The following GALNT18 variants were observed in gnomAD, a reference collection of about 807,000 sequenced individuals.
GALNT18 encodes GalNAc-transferase 18.
In GALNT18, 44 loss-of-function variants were observed where a neutral mutation model predicts 69.5. The ratio of observed to expected loss-of-function variants is 0.63; its 90% CI spans 0.50 to 0.81. GALNT18 has a LOEUF of 0.81. Among genes scored for constraint, GALNT18 ranks in the 40% least tolerant of loss-of-function variants. The pLI is 0.00. For synonymous variants in GALNT18, 364 were observed against 318.2 expected (o/e 1.14, Z -1.53); for missense variants, 715 against 810.0 (o/e 0.88, Z 1.42).
At chr11:11,533,489 C>T (rs896349545) in intron 1 of GALNT18, among the ~76,000 whole-genome samples, 3 of 152,178 alleles carry the variant, frequency 2.0e-5, no homozygotes, top group African/African-American at 7.2e-5. Flanking sequence ...AAGGAGCCAC[C>T]AGGAGTGAGG....
chr11:11,300,028 G>A (rs961796211), intron 9 of GALNT18, among the ~76,000 whole-genome samples: 16 of 152,244 alleles, frequency 1.1e-4, no homozygotes, highest in African/African-American at 3.9e-4. Context: ...TGGGCAGAGG[G>A]AGAGTCAAGG....
rs4910347 is a variant in GALNT18 at position 11,454,403 on chromosome 11, A to C, written c.236-5467T>G. Among the ~76,000 whole-genome samples the C allele has an allele frequency of 6.6e-6, 1 of 151,960 alleles. No individual in the cohort carries two copies. The highest frequency in any genetic ancestry group is 1.5e-5 in the Non-Finnish European group (1 of 68,002). Reference sequence around the variant, plus strand: ...AGAGAATTACCAGGCTTCTCTCCCAAGTATCCAGAATAGGACTGTGCATGG... The same window carrying C: ...AGAGAATTACCAGGCTTCTCTCCCACGTATCCAGAATAGGACTGTGCATGG... On this transcript the variant is annotated intron_variant, in intron 1 of 10. Transcript: ENST00000227756. The surrounding 1 kb of genome is among the most constrained non-coding windows in gnomAD (Gnocchi z 4.2).
chr11:11,608,860 A>T (rs1343000295), intron 1 of GALNT18, among the ~76,000 whole-genome samples: 5 of 152,134 alleles, frequency 3.3e-5, no homozygotes, highest in Non-Finnish European at 7.4e-5. Flanking sequence ...TGCCCTCTCC[A>T]AATCTTTCTT....
chr11:11,359,723 T>C (rs948595856), intron 6 of GALNT18, among the ~76,000 whole-genome samples: 1 of 151,984 alleles, frequency 6.6e-6, no homozygotes, highest in South Asian at 2.1e-4. Flanking sequence ...TCCAAAGCAA[T>C]GCTGGCTGGA....
At chr11:11,330,288 T>C (rs892009552) in intron 8 of GALNT18, among the ~76,000 whole-genome samples, 2 of 152,166 alleles carry the variant, frequency 1.3e-5, no homozygotes, top group African/African-American at 2.4e-5. Context: ...AAAAAGAAAT[T>C]ATGCCCCTGA....
chr11:11,416,362 G>T (rs945380112), intron 3 of GALNT18, among the ~76,000 whole-genome samples: 1 of 152,150 alleles, frequency 6.6e-6, no homozygotes, highest in African/African-American at 2.4e-5. Context: ...TCATCAGCAG[G>T]ATCCTTCAGT....
chr11:11,282,845 C>T (rs1049442608), intron 10 of GALNT18, among the ~76,000 whole-genome samples: 3 of 152,070 alleles, frequency 2.0e-5, no homozygotes, highest in Admixed American at 6.5e-5. Context: ...TTGTAGAGAC[C>T]ATATTCTAGT....
intron 2 of GALNT18, among the ~76,000 whole-genome samples, chr11:11,438,839 AC>A (rs1855469421): frequency 6.6e-6 from 1 of 152,114 alleles, no homozygotes; most frequent in Non-Finnish European, 1.5e-5. Context: ...AATACGATCA[AC>A]ACTACTGAGT....
In GALNT18 at chr11:11,271,296, G is replaced by C; in HGVS notation, c.1678-6C>G. 1.2e-6 allele frequency: 2 copies of C among 1,612,450 alleles called. No individual in the cohort carries two copies. Among genetic ancestry groups the C allele is most frequent in the Admixed American group, 1.7e-5 (1 of 59,990 alleles). ...CGGTTCTGGATGGGTCCTCCCTAGG[G>C]GCCAGGGCAGACAGTGGGGTCAGAG... On this transcript the variant is annotated splice_polypyrimidine_tract_variant and splice_region_variant and intron_variant, in intron 10 of 10. Transcript: ENST00000227756.
In GALNT18 at chr11:11,596,229, A is replaced by C. The variant is rs1859497581; in HGVS notation, c.235+25130T>G. Among the ~76,000 whole-genome samples the C allele has an allele frequency of 6.6e-6, 1 of 152,210 alleles. No individual in the cohort carries two copies. Among genetic ancestry groups the C allele is most frequent in the African/African-American group, 2.4e-5 (1 of 41,468 alleles). On this transcript the variant is annotated intron_variant, in intron 1 of 10. Transcript: ENST00000227756. The surrounding 1 kb of genome is among the most constrained non-coding windows in gnomAD (Gnocchi z 4.2). ...CACTTAATTCTGGACTGTCAATTCT[A>C]TTCTGTTGATCAGTGTGTCTGTCCT...
intron 3 of GALNT18, among the ~76,000 whole-genome samples, chr11:11,410,727 G>A (rs76504964): frequency 0.019 from 2,820 of 152,254 alleles, 43 homozygotes; most frequent in Non-Finnish European, 0.03. Context: ...TTGAACGATG[G>A]CTGTCTAATT....
rs1476025049 is a variant in GALNT18, at chr11:11,614,087, A to C, written c.235+7272T>G. ...AAGCTTGGCTTTCTGCCACAAACCA[A>C]AGGAGACCCTCAAGACCCAAATCAA... On this transcript the variant is annotated intron_variant, in intron 1 of 10. Coordinates refer to ENST00000227756, the MANE Select transcript of GALNT18 (RefSeq NM_198516.3). This position sits in a 1 kb window ranked among gnomAD's most constrained non-coding sequence, Gnocchi z 5.6. 6.6e-6 allele frequency among the ~76,000 whole-genome samples: 1 copy of C among 152,014 alleles called. No homozygotes were observed. The highest frequency in any genetic ancestry group is 1.5e-5 in the Non-Finnish European group (1 of 67,984).
chr11:11,313,115 G>T (rs966047014), intron 9 of GALNT18, among the ~76,000 whole-genome samples: 4 of 152,186 alleles, frequency 2.6e-5, no homozygotes, highest in African/African-American at 7.2e-5. Context: ...GGATAAGAAA[G>T]GGGAGAAGGG....
At chr11:11,280,615 TTTCCCAG>T (rs1276476973) in intron 10 of GALNT18, among the ~76,000 whole-genome samples, 4 of 152,208 alleles carry the variant, frequency 2.6e-5, no homozygotes, top group Non-Finnish European at 5.9e-5. Flanking sequence ...CAGGTTTAAC[TTTCCCAG>T]TTCCTGGTGG....
At chr11:11,333,062 T>G (rs1850047616) in intron 7 of GALNT18, among the ~76,000 whole-genome samples, 1 of 148,652 alleles carries the variant, frequency 6.7e-6, no homozygotes, top group African/African-American at 2.5e-5. Context: ...TCAAGGGCCA[T>G]TGAAAAAAAA....
In GALNT18 at chr11:11,436,647, A is replaced by G. The variant is rs1481137040; in HGVS notation, c.429-3860T>C. The stretch of plus-strand genomic sequence containing the variant: ...CATGCCACATCATGACACGGTCTGT[A>G]GTTCGTATCTTCACCTCAACACTGA... On this transcript the variant is annotated intron_variant, in intron 2 of 10. Coordinates refer to ENST00000227756, the MANE Select transcript of GALNT18 (RefSeq NM_198516.3). This position sits in a 1 kb window ranked among gnomAD's most constrained non-coding sequence, Gnocchi z 4.5. 1.3e-5 allele frequency among the ~76,000 whole-genome samples: 2 copies of G among 152,212 alleles called. No homozygotes were observed. The highest frequency in any genetic ancestry group is 4.8e-5 in the African/African-American group (2 of 41,452).
chr11:11,342,055 C>T (rs778562969), intron 6 of GALNT18, among the ~76,000 whole-genome samples: 1 of 152,008 alleles, frequency 6.6e-6, no homozygotes, highest in African/African-American at 2.4e-5. Context: ...CAATTTCTCC[C>T]TCCTCTGGCC....
At chr11:11,418,337 G>A (rs986682396) in intron 3 of GALNT18, among the ~76,000 whole-genome samples, 1 of 152,204 alleles carries the variant, frequency 6.6e-6, no homozygotes, top group African/African-American at 2.4e-5. Context: ...AATTAAAGAA[G>A]CCATGTGTAA....
At chr11:11,276,559 C>T (rs150453211) in intron 10 of GALNT18, among the ~76,000 whole-genome samples, 8,266 of 152,290 alleles carry the variant, frequency 0.054, 298 homozygotes, top group Middle Eastern at 0.17. Flanking sequence ...GCCAGAACTT[C>T]CCATACTATG....
Sources: gnomAD v4.1 joint callset for allele counts (sites outside exome capture counted in the v4.1 genomes callset) on GRCh38, gnomAD v4.1.1 for gene constraint, Gnocchi (gnomAD v3.1) non-coding constraint, MANE v1.5 for transcripts, NCBI Gene and HGNC (gene_info 2026-07-23, HGNC 2026-07-21) for gene names.